The following HECW2 variants were observed in gnomAD, a reference collection of about 807,000 sequenced individuals.
The protein encoded by HECW2 is E3 ubiquitin-protein ligase HECW2.
HECW2 carries 61 observed loss-of-function variants against 175.2 expected under a neutral mutation model. The observed-to-expected ratio is 0.35, with a 90% CI of 0.28 to 0.43. HECW2 has a LOEUF of 0.43. HECW2 is among the 20% of genes least tolerant of loss of function. The pLI, the probability that HECW2 is intolerant of heterozygous loss-of-function variation, is 1.00. For missense variants in HECW2, 1,524 were observed against 2,000.5 expected (o/e 0.76, Z 4.54); for synonymous variants, 671 against 731.0 (o/e 0.92, Z 1.32).
At chr2:196,476,378 G>T (rs1212056157) in intron 1 of HECW2, among the ~76,000 whole-genome samples, 1 of 151,762 alleles carries the variant, frequency 6.6e-6, no homozygotes, top group Admixed American at 6.6e-5. Context: ...AGGAGGCAAA[G>T]GTTGCAATAA....
intron 2 of HECW2, among the ~76,000 whole-genome samples, chr2:196,408,220 T>C (rs1042886587): frequency 3.3e-5 from 5 of 152,200 alleles, no homozygotes; most frequent in Admixed American, 3.3e-4. Flanking sequence ...ATGCTATATA[T>C]TTTTTTCATG....
intron 1 of HECW2, chr2:196,592,394 T>G (rs1257609114): frequency 1.3e-5 from 2 of 152,166 alleles, no homozygotes; most frequent in African/African-American, 2.4e-5. Flanking sequence ...TTCTCTAAAT[T>G]AATAATAATA....
chr2:196,548,836 T>C (rs2375941), intron 1 of HECW2, among the ~76,000 whole-genome samples: 7,712 of 152,204 alleles, frequency 0.051, 650 homozygotes, highest in African/African-American at 0.18. Context: ...TGGCGGTCTT[T>C]CTCCTATGCC....
chr2:196,441,869 T>A (rs966452319), intron 1 of HECW2, among the ~76,000 whole-genome samples: 1 of 152,158 alleles, frequency 6.6e-6, no homozygotes, highest in Non-Finnish European at 1.5e-5. Context: ...CCTCACTTCC[T>A]CTTTCCAGGT....
intron 1 of HECW2, among the ~76,000 whole-genome samples, chr2:196,487,245 T>C (rs1376839034): frequency 1.3e-5 from 2 of 152,076 alleles, no homozygotes; most frequent in Non-Finnish European, 2.9e-5. Context: ...GCCCAGGATG[T>C]TGAGGTGGCA....
chr2:196,505,875 C>T (rs960851435), intron 1 of HECW2, among the ~76,000 whole-genome samples: 1 of 152,154 alleles, frequency 6.6e-6, no homozygotes, highest in Admixed American at 6.5e-5. Flanking sequence ...ATGAAGTCCC[C>T]CCAACTGTGG....
intron 1 of HECW2, among the ~76,000 whole-genome samples, chr2:196,487,812 T>C (rs1157383590): frequency 6.6e-6 from 1 of 152,232 alleles, no homozygotes; most frequent in Non-Finnish European, 1.5e-5. Context: ...TAGATCAGCA[T>C]ATTTACTAGG....
chr2:196,398,132 G>T (rs894722170), intron 2 of HECW2, among the ~76,000 whole-genome samples: 2 of 5,840 alleles, frequency 3.4e-4, no homozygotes, highest in African/African-American at 7.7e-4. Context: ...GTGGGTGGGG[G>T]AGTTAGGGGA....
chr2:196,393,177 C>T (rs1464015751), intron 2 of HECW2, among the ~76,000 whole-genome samples: 1 of 152,138 alleles, frequency 6.6e-6, no homozygotes, highest in Non-Finnish European at 1.5e-5. Context: ...AACATTAGAC[C>T]TAAAGCCATA....
At chr2:196,577,731 C>CT (rs1472101711) in intron 1 of HECW2, among the ~76,000 whole-genome samples, 1 of 152,176 alleles carries the variant, frequency 6.6e-6, no homozygotes, top group East Asian at 1.9e-4. Flanking sequence ...TCAGCAATGA[C>CT]TGAGATTTAC....
intron 1 of HECW2, among the ~76,000 whole-genome samples, chr2:196,520,875 C>A (rs983439493): frequency 6.6e-6 from 1 of 151,958 alleles, no homozygotes. Flanking sequence ...TAACTCACCA[C>A]GTATAAGACA....
chr2:196,318,700 C>G lies in HECW2; in HGVS notation c.2190G>C (p.Gln730His), dbSNP rs370655605. ...GCTGCCAGACCTCCCCCAGCTCCTC[C>G]TGGTCAGGTACAGTGGCCGATTCTG... The part of the protein sequence containing the change: ...PGAESATVPD[Q>H]EELGEVWQRR... Residue 730 changes from glutamine to histidine, a missense_variant, in exon 9 of 29, where the codon CAG (glutamine) becomes CAC (histidine). Around this residue, in one of 11 missense-constraint regions of HECW2, gnomAD observed 604 missense variants for 588.3 expected, o/e 1.03. Transcript: ENST00000644978. The G allele has an allele frequency of 3.1e-6, 5 of 1,588,186 alleles. No individual in the cohort carries two copies. Among genetic ancestry groups the G allele is most frequent in the Non-Finnish European group, 4.3e-6 (5 of 1,167,602 alleles).
intron 1 of HECW2, among the ~76,000 whole-genome samples, chr2:196,449,103 C>A (rs1410297836): frequency 6.6e-6 from 1 of 152,132 alleles, no homozygotes; most frequent in Non-Finnish European, 1.5e-5. Flanking sequence ...TGGTGATGGT[C>A]TCTTAGCCTA....
At chr2:196,592,770 A>C (rs1691250273) in intron 1 of HECW2, 1 of 151,850 alleles carries the variant, frequency 6.6e-6, no homozygotes, top group Non-Finnish European at 1.5e-5. Flanking sequence ...CCGCGCGCTC[A>C]CCTGGGCTTT....
intron 1 of HECW2, among the ~76,000 whole-genome samples, chr2:196,529,783 C>G (rs1688783227): frequency 6.6e-6 from 1 of 152,144 alleles, no homozygotes; most frequent in African/African-American, 2.4e-5. Context: ...GCCACCTGGC[C>G]CACTCACACT....
chr2:196,274,855 T>A (rs1257154977), intron 15 of HECW2, among the ~76,000 whole-genome samples: 1 of 152,242 alleles, frequency 6.6e-6, no homozygotes, highest in Non-Finnish European at 1.5e-5. Flanking sequence ...CAGAAAACTC[T>A]AATGTTGTTT....
Position 196,318,676 on chromosome 2 carries a change from C to T in HECW2, c.2214G>A (p.Gln738=). ...PDQEELGEVW[Q]RRGSLEGAAA... ...CAGCTCCCTCCAGGCTCCCCCTCCGCTGCCAGACCTCCCCCAGCTCCTCCT... is the reference window on the plus strand; with the variant it reads ...CAGCTCCCTCCAGGCTCCCCCTCCGTTGCCAGACCTCCCCCAGCTCCTCCT... Residue 738 remains glutamine, a synonymous_variant, in exon 9 of 29, where the codon CAG becomes CAA. Transcript: ENST00000644978. 3 of 1,598,064 alleles carry T rather than the reference C, an allele frequency of 1.9e-6. No homozygotes were observed. The highest frequency in any genetic ancestry group is 1.7e-6 in the Non-Finnish European group (2 of 1,172,108).
chr2:196,409,427 T>C (rs535430298), intron 2 of HECW2, among the ~76,000 whole-genome samples: 149 of 152,242 alleles, frequency 9.8e-4, no homozygotes, highest in Middle Eastern at 6.8e-3. Flanking sequence ...CTACCCTGAC[T>C]CCCGAGATCT....
At chr2:196,584,091 T>C (rs978315522) in intron 1 of HECW2, among the ~76,000 whole-genome samples, 10 of 152,194 alleles carry the variant, frequency 6.6e-5, no homozygotes, top group African/African-American at 1.9e-4. Context: ...ATTCCAGGAA[T>C]GGCATATTCT....
Sources: gnomAD v4.1 joint callset for allele counts (sites outside exome capture counted in the v4.1 genomes callset) on GRCh38, gnomAD v4.1.1 for gene constraint, gnomAD v4.1.1 regional missense constraint, MANE v1.5 for transcripts, NCBI Gene and HGNC (gene_info 2026-07-23, HGNC 2026-07-21) for gene names.